KCNN2: variants seen among roughly 807,000 people sequenced by gnomAD.
KCNN2 encodes the protein small conductance calcium-activated potassium channel protein 2.
A neutral mutation model predicts 55.5 loss-of-function variants in KCNN2; 24 were observed. That is an observed-to-expected ratio of 0.43 (90% CI 0.31 to 0.61). The LOEUF is 0.61. Among genes scored for constraint, KCNN2 ranks in the 20% least tolerant of loss-of-function variants. The probability of loss-of-function intolerance (pLI) is 0.08; values close to 1 mark genes in which losing one functional copy is unlikely to be tolerated. For missense variants in KCNN2, 754 were observed against 853.6 expected (o/e 0.88, Z 1.45); for synonymous variants, 431 against 336.1 (o/e 1.28, Z -3.09).
intron 1 of KCNN2, among the ~76,000 whole-genome samples, chr5:114,188,638 CA>C (rs1201869961): frequency 6.6e-6 from 1 of 151,988 alleles, no homozygotes; most frequent in Non-Finnish European, 1.5e-5. Flanking sequence ...ATGCAAGATT[CA>C]TATATAAAAC....
intron 3 of KCNN2, among the ~76,000 whole-genome samples, chr5:114,443,640 CAG>C (rs1468324816): frequency 2.6e-5 from 4 of 152,228 alleles, no homozygotes; most frequent in Non-Finnish European, 5.9e-5. Flanking sequence ...TTTCTGCCCT[CAG>C]GGGCTCTCAG....
At chr5:114,330,162 G>T (rs552028007) in intron 2 of KCNN2, among the ~76,000 whole-genome samples, 38 of 152,264 alleles carry the variant, frequency 2.5e-4, no homozygotes, top group Middle Eastern at 3.4e-3. Flanking sequence ...AAATGGAGGT[G>T]AGTTCCAGTA....
chr5:114,495,707 A>G (rs371254580), intron 7 of KCNN2, among the ~76,000 whole-genome samples, 188 bp from the exon 8 acceptor site: 1 of 152,180 alleles, frequency 6.6e-6, no homozygotes, highest in African/African-American at 2.4e-5. Flanking sequence ...AAGATCTTAT[A>G]TTTCGATTAT....
Position 114,194,753 on chromosome 5 carries a change from T to C in KCNN2, c.-270-26727T>C, listed in dbSNP as rs2112566225. On this transcript the variant is annotated intron_variant, in intron 1 of 10. Coordinates refer to the KCNN2 transcript ENST00000512097. ...TTTAGTGTCACATCTAAGAAATCAT[T>C]GCCTAAACAACTGTATTGTAGATTT... 2.0e-5 allele frequency among the ~76,000 whole-genome samples: 3 copies of C among 152,180 alleles called. No homozygotes were observed. In the South Asian group the frequency reaches 6.2e-4, roughly 31 times the overall value.
intron 2 of KCNN2, among the ~76,000 whole-genome samples, chr5:114,311,829 C>A (rs1756396053): frequency 6.6e-6 from 1 of 152,036 alleles, no homozygotes; most frequent in South Asian, 2.1e-4. Flanking sequence ...AAGATTGGAC[C>A]AGTTACAATT....
intron 2 of KCNN2, among the ~76,000 whole-genome samples, chr5:114,247,015 A>G (rs1226959554): frequency 5.3e-5 from 8 of 151,682 alleles, no homozygotes; most frequent in African/African-American, 1.9e-4. Flanking sequence ...AGTAGGATCA[A>G]AGAGTGACCT....
chr5:114,359,365 A>G (rs781039216), upstream of KCNN2, among the ~76,000 whole-genome samples: 1 of 152,158 alleles, frequency 6.6e-6, no homozygotes, highest in Non-Finnish European at 1.5e-5. Flanking sequence ...TCAGTAGGCA[A>G]TTTCTGAGAT....
chr5:114,399,221 A>G (rs776717321), intron 2 of KCNN2, among the ~76,000 whole-genome samples: 10 of 152,118 alleles, frequency 6.6e-5, no homozygotes, highest in African/African-American at 1.4e-4. Context: ...TGTTCCTTCA[A>G]TGTCTAGTTT....
intron 3 of KCNN2, among the ~76,000 whole-genome samples, chr5:114,406,162 GA>G (rs915301533): frequency 5.3e-5 from 8 of 149,662 alleles, no homozygotes; most frequent in South Asian, 2.1e-4. Flanking sequence ...CAGCTTTCCA[GA>G]AGCATTCACT....
At position 114,462,878 on chromosome 5, in the gene KCNN2, G is replaced by A. The variant is rs149670966; in HGVS notation, c.1638-171G>A. On this transcript the variant is annotated intron_variant, in intron 3 of 7. Transcript: ENST00000673685. ...TAAAGTTGAGGCACTTTCTGATGTC[G>A]TGGATTGCTTAGATGGAACCTCAAT... 8.2e-4 allele frequency among the ~76,000 whole-genome samples: 125 copies of A among 152,262 alleles called. 1 individual carries two copies. The highest frequency in any genetic ancestry group is 5.8e-3 in the East Asian group (30 of 5,168).
At chr5:114,456,813 T>C (rs1021115934) in intron 3 of KCNN2, among the ~76,000 whole-genome samples, 2 of 152,160 alleles carry the variant, frequency 1.3e-5, no homozygotes, top group African/African-American at 4.8e-5. Context: ...GCAAGATAAC[T>C]AGAAATATTA....
chr5:114,159,232 A>C (rs1430699546), intron 1 of KCNN2, among the ~76,000 whole-genome samples: 1 of 152,124 alleles, frequency 6.6e-6, no homozygotes, highest in African/African-American at 2.4e-5. Flanking sequence ...AATTTTGTCA[A>C]AGGCCTTTTC....
At chr5:114,121,229 G>A (rs754579437) in intron 1 of KCNN2, among the ~76,000 whole-genome samples, 21 of 152,292 alleles carry the variant, frequency 1.4e-4, no homozygotes, top group South Asian at 4.1e-4. Flanking sequence ...TCATCCCAGG[G>A]TTCCATGGCT....
At chr5:114,289,199 T>C (rs1755832203) in intron 2 of KCNN2, among the ~76,000 whole-genome samples, 1 of 152,150 alleles carries the variant, frequency 6.6e-6, no homozygotes, top group Non-Finnish European at 1.5e-5. Context: ...GTTTCACTGG[T>C]CTGTATGTTT....
chr5:114,248,019 A>T (rs903197816), intron 2 of KCNN2, among the ~76,000 whole-genome samples: 4 of 152,190 alleles, frequency 2.6e-5, no homozygotes, highest in Non-Finnish European at 5.9e-5. Context: ...ACAGAACTCT[A>T]GACTCTTCTT....
intron 1 of KCNN2, among the ~76,000 whole-genome samples, chr5:114,065,071 A>T (rs1750417251): frequency 6.6e-6 from 1 of 152,162 alleles, no homozygotes; most frequent in East Asian, 1.9e-4. Context: ...GCTGGGATGG[A>T]TACACTATGT....
chr5:114,452,490 C>T (rs900209421), intron 3 of KCNN2, among the ~76,000 whole-genome samples: 4 of 152,172 alleles, frequency 2.6e-5, no homozygotes, highest in African/African-American at 9.7e-5. Context: ...TATTTTTACT[C>T]ATCTACATAT....
At chr5:114,182,019 A>C (rs865930476) in intron 1 of KCNN2, among the ~76,000 whole-genome samples, 1 of 152,196 alleles carries the variant, frequency 6.6e-6, no homozygotes, top group Non-Finnish European at 1.5e-5. Context: ...GTGTCAAAAA[A>C]AAAAATTAAT....
chr5:114,474,986 C>T (rs1272122878), intron 5 of KCNN2, among the ~76,000 whole-genome samples: 2 of 151,732 alleles, frequency 1.3e-5, no homozygotes, highest in African/African-American at 4.8e-5. Flanking sequence ...TTAATTTCAT[C>T]TTAAGAAGGA....
Sources: gnomAD v4.1 joint callset for allele counts (sites outside exome capture counted in the v4.1 genomes callset) on GRCh38, gnomAD v4.1.1 for gene constraint, MANE v1.5 for transcripts, NCBI Gene and HGNC (gene_info 2026-07-23, HGNC 2026-07-21) for gene names.